Variants in DLG2 observed in about 807,000 individuals in gnomAD.
The protein encoded by DLG2 is disks large homolog 2.
In DLG2, 45 loss-of-function variants were observed where a neutral mutation model predicts 132.5. That is an observed-to-expected ratio of 0.34 (90% CI 0.27 to 0.44). The LOEUF (loss-of-function observed/expected upper bound fraction) is 0.44, where lower values mean the gene tolerates loss of function less well. DLG2 is among the 20% of genes least tolerant of loss of function. The pLI, the probability that DLG2 is intolerant of heterozygous loss-of-function variation, is 1.00. For missense variants in DLG2, 1,045 were observed against 1,196.9 expected, an observed-to-expected ratio of 0.87 and a Z score of 1.87; for synonymous variants, 424 against 419.6, an observed-to-expected ratio of 1.01 and a Z score of -0.13.
chr11:83,902,234 G>T (rs2073655154), intron 15 of DLG2, among the ~76,000 whole-genome samples: 1 of 152,014 alleles, frequency 6.6e-6, no homozygotes, highest in Non-Finnish European at 1.5e-5. Flanking sequence ...GGCTCCCCTT[G>T]TTCTGGAATA....
chr11:84,721,221 G>T (rs2061802391), intron 6 of DLG2, among the ~76,000 whole-genome samples: 1 of 152,226 alleles, frequency 6.6e-6, no homozygotes, highest in Non-Finnish European at 1.5e-5. Flanking sequence ...GCCGGGGGCA[G>T]AGGGCCAGCA....
intron 17 of DLG2, chr11:83,789,854 C>T (rs2041058701): frequency 4.5e-6 from 2 of 444,154 alleles, no homozygotes; most frequent in East Asian, 8.4e-5. Flanking sequence ...CTCTTTTATA[C>T]ATAAAAGTGA....
rs1356302534 is a variant in DLG2, at chr11:83,560,132, C to G, written c.1941-18274G>C. ...GCTGAACTTTGCTTTTTTTTTTTTTCTTCTTGAGACGGAGTCTCACTGTTG... is the reference window on the plus strand; with the variant it reads ...GCTGAACTTTGCTTTTTTTTTTTTTGTTCTTGAGACGGAGTCTCACTGTTG... On this transcript the variant is annotated intron_variant, in intron 19 of 27. Transcript: ENST00000376104. Among the ~76,000 whole-genome samples, 13 of 136,552 alleles carry G rather than the reference C, an allele frequency of 9.5e-5. No homozygotes were observed. The South Asian group carries it at 2.6e-3, about 27-fold the overall frequency. 89.6% of individuals were successfully genotyped at this position (136,552 alleles called of 152,430 possible).
At chr11:84,978,377 C>A (rs1277250742) in intron 6 of DLG2, among the ~76,000 whole-genome samples, 2 of 152,130 alleles carry the variant, frequency 1.3e-5, no homozygotes, top group South Asian at 4.1e-4. Flanking sequence ...AAGAACAAAG[C>A]CGGAGGCATC....
chr11:85,361,303 C>A (rs1466573066), intron 3 of DLG2, among the ~76,000 whole-genome samples: 1 of 91,836 alleles, frequency 1.1e-5, no homozygotes, highest in African/African-American at 4.2e-5. Flanking sequence ...ATTCCACAGA[C>A]TTTTCTATTT....
chr11:85,325,086 C>T (rs796811776), intron 3 of DLG2, among the ~76,000 whole-genome samples: 15 of 136,620 alleles, frequency 1.1e-4, no homozygotes, highest in African/African-American at 1.4e-4. Context: ...CGGCGCACCA[C>T]GAGACTATAT....
At chr11:85,101,163 G>A (rs1051992374) in intron 6 of DLG2, among the ~76,000 whole-genome samples, 4 of 151,976 alleles carry the variant, frequency 2.6e-5, no homozygotes, top group African/African-American at 9.7e-5. Context: ...GCTGTCAGAT[G>A]CCATTTCTCT....
intron 19 of DLG2, among the ~76,000 whole-genome samples, chr11:83,625,557 GT>G (rs1410759195): frequency 6.6e-6 from 1 of 152,196 alleles, no homozygotes; most frequent in East Asian, 1.9e-4. Flanking sequence ...AAGGCGAAGT[GT>G]CTAGGATGGA....
At chr11:84,735,224 TC>T (rs1206428858) in intron 6 of DLG2, among the ~76,000 whole-genome samples, 5 of 152,190 alleles carry the variant, frequency 3.3e-5, no homozygotes, top group African/African-American at 1.2e-4. Flanking sequence ...TACCAGCTCC[TC>T]CTTGTACCTC....
At chr11:83,651,114 A>G (rs944493150) in intron 18 of DLG2, among the ~76,000 whole-genome samples, 1 of 152,164 alleles carries the variant, frequency 6.6e-6, no homozygotes, top group Non-Finnish European at 1.5e-5. Flanking sequence ...ATGGAGGAAG[A>G]CATTATGTCT....
At chr11:84,137,051 A>G (rs940447330) in intron 9 of DLG2, among the ~76,000 whole-genome samples, 1 of 152,120 alleles carries the variant, frequency 6.6e-6, no homozygotes, top group Non-Finnish European at 1.5e-5. Flanking sequence ...CCAGGGCAGG[A>G]AAGGGGGAGC....
intron 6 of DLG2, among the ~76,000 whole-genome samples, chr11:84,772,759 A>T (rs187624426): frequency 6.6e-6 from 1 of 152,316 alleles, no homozygotes; most frequent in East Asian, 1.9e-4. Flanking sequence ...AAAAGCTGAG[A>T]CACAACATAC....
At chr11:84,041,337 A>C (rs1407052432) in intron 11 of DLG2, among the ~76,000 whole-genome samples, 1 of 151,946 alleles carries the variant, frequency 6.6e-6, no homozygotes, top group Non-Finnish European at 1.5e-5. Context: ...AAAGGGTTTA[A>C]GCAGTTATAA....
intron 18 of DLG2, among the ~76,000 whole-genome samples, chr11:83,699,080 G>A (rs1566590992): frequency 6.6e-6 from 1 of 152,146 alleles, no homozygotes; most frequent in Non-Finnish European, 1.5e-5. Context: ...GGTTTCCAAA[G>A]CTTATTACAA....
intron 6 of DLG2, among the ~76,000 whole-genome samples, chr11:84,957,844 T>G (rs1242375387): frequency 6.6e-6 from 1 of 152,254 alleles, no homozygotes; most frequent in Non-Finnish European, 1.5e-5. Flanking sequence ...TGTGCAATTC[T>G]GGAAAGCCAC....
intron 18 of DLG2, among the ~76,000 whole-genome samples, chr11:83,754,898 A>G (rs577818163): frequency 2.0e-5 from 3 of 151,590 alleles, no homozygotes; most frequent in Non-Finnish European, 4.4e-5. Context: ...TCTAATTTCT[A>G]TAATCGCTTT....
chr11:84,317,032 C>T, intron 7 of DLG2: 1 of 1,612,840 alleles, frequency 6.2e-7, no homozygotes, highest in Non-Finnish European at 8.5e-7. Flanking sequence ...GACAGTTCCT[C>T]TGCCAGCCAC....
chr11:84,740,460 A>G lies in DLG2; in HGVS notation c.358-205729T>C, dbSNP rs566957753. Among the ~76,000 whole-genome samples, 4 of 152,282 alleles carry G rather than the reference A, an allele frequency of 2.6e-5. No homozygotes were observed. In the South Asian group the frequency reaches 8.3e-4, roughly 32 times the overall value. ...AATTCATGCAGCTGTATTGCTTCAA[A>G]TTAGGAGGACGAGGTGTAGATGTGC... is the stretch of plus-strand genomic sequence containing the variant. On this transcript the variant is annotated intron_variant, in intron 6 of 27. Coordinates refer to ENST00000376104, the MANE Select transcript of DLG2 (RefSeq NM_001142699.3).
intron 20 of DLG2, among the ~76,000 whole-genome samples, chr11:83,537,304 T>C (rs77352784): frequency 0.015 from 2,320 of 152,286 alleles, 62 homozygotes; most frequent in African/African-American, 0.053. Flanking sequence ...GCTTGGAGCA[T>C]TGGACAGTGG....
Sources: allele counts gnomAD v4.1 joint callset (sites outside exome capture counted in the v4.1 genomes callset), GRCh38; gene constraint gnomAD v4.1.1; transcripts MANE v1.5; gene names NCBI Gene and HGNC (gene_info 2026-07-23, HGNC 2026-07-21).